The following C19orf47 variants were observed in gnomAD, a reference collection of about 807,000 sequenced individuals.
The protein encoded by C19orf47 is chromosome 19 open reading frame 47, also known as uncharacterized protein C19orf47.
A neutral mutation model predicts 32.3 loss-of-function variants in C19orf47; 18 were observed. The ratio of observed to expected loss-of-function variants is 0.56; its 90% CI spans 0.39 to 0.83. The LOEUF (loss-of-function observed/expected upper bound fraction) is 0.83. C19orf47 is among the 40% of genes least tolerant of loss of function. C19orf47 has a pLI of 0.00. For synonymous variants in C19orf47, 202 were observed against 211.1 expected, an observed-to-expected ratio of 0.96 and a Z score of 0.37; for missense variants, 484 against 531.6, an observed-to-expected ratio of 0.91 and a Z score of 0.88.
downstream of C19orf47, among the ~76,000 whole-genome samples, chr19:40,316,548 G>C (rs564713099): frequency 6.6e-6 from 1 of 152,174 alleles, no homozygotes; most frequent in Non-Finnish European, 1.5e-5. Context: ...CTGGCACACA[G>C]GTGGTAGTCA....
chr19:40,305,752 G>A, the C19orf47 span, among the ~76,000 whole-genome samples: 400 of 152,268 alleles, frequency 2.6e-3, no homozygotes, highest in African/African-American at 9.4e-3. Flanking sequence ...AATAAGGAAC[G>A]TTATTGGGAC....
intron 8 of C19orf47, among the ~76,000 whole-genome samples, chr19:40,323,014 C>T (rs1218212077): frequency 6.6e-6 from 1 of 152,174 alleles, no homozygotes; most frequent in African/African-American, 2.4e-5. Flanking sequence ...CCAGGCCCTC[C>T]AAGATGAATT....
At chr19:40,331,706 A>G (rs1248907334) in intron 5 of C19orf47, among the ~76,000 whole-genome samples, 1 of 152,134 alleles carries the variant, frequency 6.6e-6, no homozygotes, top group Non-Finnish European at 1.5e-5. Flanking sequence ...AGCAAAGGGA[A>G]GCTAATGTGT....
At chr19:40,335,966 G>T in intron 4 of C19orf47, 144 bp downstream of exon 4, 2 of 681,920 alleles carry the variant, frequency 2.9e-6, no homozygotes, top group South Asian at 1.8e-5. Context: ...TGGGCAATGT[G>T]CCCAGCGTCA....
chr19:40,329,465 T>A (rs1337897968), intron 5 of C19orf47, among the ~76,000 whole-genome samples: 1 of 151,956 alleles, frequency 6.6e-6, no homozygotes, highest in Non-Finnish European at 1.5e-5. Flanking sequence ...GTGATCGCAC[T>A]ACTGCACTCC....
downstream of C19orf47, among the ~76,000 whole-genome samples, chr19:40,316,721 G>A (rs1185899116): frequency 6.6e-6 from 1 of 152,082 alleles, no homozygotes; most frequent in African/African-American, 2.4e-5. Flanking sequence ...GATCTGCAAC[G>A]GACTCATCAC....
Position 40,321,849 on chromosome 19 carries a change from G to A in C19orf47, c.*33C>T, listed in dbSNP as rs2077724070. On this transcript the variant is annotated 3_prime_UTR_variant, in exon 9 of 9. Coordinates refer to ENST00000683109, the MANE Select transcript of C19orf47 (RefSeq NM_001256441.2). ...GGGGCGGCCAGGGCAGATGCCCGCA[G>A]GCTCTGCTGCCTGCACCCCGCCCAC... 1.3e-6 allele frequency: 2 copies of A among 1,511,046 alleles called. No homozygotes were observed. The highest frequency in any genetic ancestry group is 1.8e-6 in the Non-Finnish European group (2 of 1,132,580). The allele number at this position is 1,511,046 out of a possible 1,614,324, so 93.6% of individuals were successfully genotyped here. A position where few individuals can be genotyped will look rare whatever the true frequency, so the allele number is the denominator to read the frequency against.
chr19:40,312,529 A>G, the C19orf47 span, among the ~76,000 whole-genome samples: 1 of 151,780 alleles, frequency 6.6e-6, no homozygotes. Context: ...TGGGCGACAG[A>G]GCGAGACTCC....
the C19orf47 span, among the ~76,000 whole-genome samples, chr19:40,301,297 C>T: frequency 2.3e-3 from 350 of 151,108 alleles, no homozygotes; most frequent in African/African-American, 7.7e-3. Context: ...TCCCTGGCTT[C>T]ATAACCTTGA....
chr19:40,337,288 A>AGTTATTATT (rs145118445), intron 2 of C19orf47, among the ~76,000 whole-genome samples: 2 of 143,224 alleles, frequency 1.4e-5, no homozygotes, highest in Non-Finnish European at 1.5e-5. Context: ...CCATGACAGC[A>AGTTATTATT]ATTATTATTA....
rs1031587488 is a variant in C19orf47 at position 40,321,190 on chromosome 19, G to A, written c.*692C>T. 7.6e-5 allele frequency: 74 copies of A among 967,698 alleles called. No homozygotes were observed. Among genetic ancestry groups the A allele is most frequent in the Non-Finnish European group, 8.7e-5 (71 of 812,570 alleles). 59.9% of individuals were successfully genotyped at this position (967,698 alleles called of 1,614,324 possible). A position where few individuals can be genotyped will look rare whatever the true frequency, so the allele number is the denominator to read the frequency against. ...AGACAGATGCCCAGGGCAGGAAAAC[G>A]GATGCGCCTCAGCCGCAGCCCAGGG... On this transcript the variant is annotated 3_prime_UTR_variant, in exon 9 of 9. Coordinates refer to ENST00000683109, the MANE Select transcript of C19orf47 (RefSeq NM_001256441.2).
chr19:40,321,441 G>T lies in C19orf47; in HGVS notation c.*441C>A. ...CAGCAGTGGGGGGAGGCGCAGAGGA[G>T]TGAGGGAGGTCAGTGGGGAGTGGGG... On this transcript the variant is annotated 3_prime_UTR_variant, in exon 9 of 9. Coordinates refer to ENST00000683109, the MANE Select transcript of C19orf47 (RefSeq NM_001256441.2). 2.0e-6 allele frequency: 2 copies of T among 1,005,970 alleles called. No individual in the cohort carries two copies. The highest frequency in any genetic ancestry group is 2.4e-6 in the Non-Finnish European group (2 of 842,318). The allele number at this position is 1,005,970 out of a possible 1,614,324, so 62.3% of individuals were successfully genotyped here. A position where few individuals can be genotyped will look rare whatever the true frequency, so the allele number is the denominator to read the frequency against.
At chr19:40,315,118 CA>C (rs796634601), downstream of C19orf47, among the ~76,000 whole-genome samples, 7 of 152,162 alleles carry the variant, frequency 4.6e-5, no homozygotes, top group African/African-American at 1.7e-4. Flanking sequence ...AGAATGTTAT[CA>C]AATTTGATAA....
At chr19:40,342,841 G>A (rs2078203781) in intron 1 of C19orf47, among the ~76,000 whole-genome samples, 1 of 152,220 alleles carries the variant, frequency 6.6e-6, no homozygotes, top group South Asian at 2.1e-4. Flanking sequence ...CAAGGAGCCA[G>A]TGTGGCTGCA....
chr19:40,330,353 C>T (rs546870763), intron 5 of C19orf47, among the ~76,000 whole-genome samples: 6 of 151,772 alleles, frequency 4.0e-5, no homozygotes, highest in Admixed American at 6.6e-5. Context: ...CTCAGCCTCC[C>T]GAGTAGCTGG....
chr19:40,340,674 T>C (rs2078159272), intron 2 of C19orf47, among the ~76,000 whole-genome samples: 1 of 139,320 alleles, frequency 7.2e-6, no homozygotes. Context: ...AGCAAGACTC[T>C]GTCTCAAATA....
the C19orf47 span, among the ~76,000 whole-genome samples, chr19:40,306,200 G>A: frequency 6.6e-6 from 1 of 150,480 alleles, no homozygotes; most frequent in Non-Finnish European, 1.5e-5. Flanking sequence ...TTGATCTTAG[G>A]AACTACACAC....
Position 40,341,904 on chromosome 19 carries a change from G to C in C19orf47, c.-33-14C>G. 6.5e-7 allele frequency: 1 copy of C among 1,536,226 alleles called. No homozygotes were observed. The highest frequency in any genetic ancestry group is 8.7e-7 in the Non-Finnish European group (1 of 1,146,894). On this transcript the variant is annotated splice_polypyrimidine_tract_variant and intron_variant, in intron 1 of 8. Transcript: ENST00000683109. Reference sequence around the variant, plus strand: ...GCTCCCTGGAGCCTGAAAGAGAAGAGAGGAGAGAGCCCATGAGCTGCTGCC... The same window carrying C: ...GCTCCCTGGAGCCTGAAAGAGAAGACAGGAGAGAGCCCATGAGCTGCTGCC...
At chr19:40,346,909 A>C (rs528142713) in intron 1 of C19orf47, among the ~76,000 whole-genome samples, 8 of 140,746 alleles carry the variant, frequency 5.7e-5, no homozygotes, top group African/African-American at 2.0e-4. Flanking sequence ...GCAGGTGGTT[A>C]AGTGCGATGT....
Sources: allele counts gnomAD v4.1 joint callset (sites outside exome capture counted in the v4.1 genomes callset), GRCh38; gene constraint gnomAD v4.1.1; transcripts MANE v1.5; gene names NCBI Gene and HGNC (gene_info 2026-07-23, HGNC 2026-07-21).